The following VSTM5 variants were observed in gnomAD, a reference collection of about 807,000 sequenced individuals.
The protein encoded by VSTM5 is V-set and transmembrane domain containing 5, also known as V-set and transmembrane domain-containing protein 5.
Under a neutral mutation model 20.3 loss-of-function variants are expected in VSTM5, and 21 were observed. That is an observed-to-expected ratio of 1.03 (90% CI 0.73 to 1.49). VSTM5 has a LOEUF of 1.49. Among genes scored for constraint, VSTM5 ranks in the 40% most tolerant of loss-of-function variants. The pLI is 0.00. For missense variants in VSTM5, 219 were observed against 250.0 expected (o/e 0.88, Z 0.84); for synonymous variants, 100 against 102.5 (o/e 0.98, Z 0.14).
intron 1 of VSTM5, among the ~76,000 whole-genome samples, chr11:93,846,071 C>T (rs936982394): frequency 1.3e-5 from 2 of 152,236 alleles, no homozygotes; most frequent in African/African-American, 4.8e-5. Flanking sequence ...TGGTCTCAAA[C>T]TCCTGAGCTC....
chr11:93,826,549 C>A (rs1243162732), intron 1 of VSTM5, among the ~76,000 whole-genome samples: 1 of 151,936 alleles, frequency 6.6e-6, no homozygotes, highest in Non-Finnish European at 1.5e-5. Context: ...AGGCGCCCAC[C>A]ATAACACCTG....
At position 93,820,887 on chromosome 11, in the gene VSTM5, T is replaced by C; in HGVS notation, c.419-4A>G. 7 of 1,550,876 alleles carry C rather than the reference T, an allele frequency of 4.5e-6. No homozygotes were observed. Among genetic ancestry groups the C allele is most frequent in the Non-Finnish European group, 6.1e-6 (7 of 1,146,988 alleles). ...TGCAGGTCTTCATAGAGGATCTCTATGGAGTGAGGGTGAGGGGAGGGGGAA... is the reference window on the plus strand; with the variant it reads ...TGCAGGTCTTCATAGAGGATCTCTACGGAGTGAGGGTGAGGGGAGGGGGAA... On this transcript the variant is annotated splice_region_variant and splice_polypyrimidine_tract_variant and intron_variant, in intron 2 of 3. Transcript: ENST00000409977.
chr11:93,849,793 G>C (rs781148519), intron 1 of VSTM5, among the ~76,000 whole-genome samples: 12 of 152,236 alleles, frequency 7.9e-5, no homozygotes, highest in Non-Finnish European at 1.6e-4. Context: ...TGGGGATTCC[G>C]GGTCCGGCCA....
chr11:93,849,079 A>G (rs562171716), intron 1 of VSTM5, among the ~76,000 whole-genome samples: 2 of 151,886 alleles, frequency 1.3e-5, no homozygotes, highest in African/African-American at 4.9e-5. Context: ...TAAAGGTCAA[A>G]AATGTTAGAT....
intron 1 of VSTM5, 57 bp downstream of exon 1, chr11:93,850,355 C>T (rs1944448976): frequency 1.0e-5 from 15 of 1,457,408 alleles, no homozygotes; most frequent in Non-Finnish European, 1.3e-5. Context: ...GGGCCCCGCC[C>T]GTGCCCCCCT....
At position 93,820,339 on chromosome 11, in the gene VSTM5, G is replaced by A; in HGVS notation, c.*230C>T. The A allele has an allele frequency of 1.8e-6, 1 of 548,794 alleles. No homozygotes were observed. The highest frequency in any genetic ancestry group is 3.3e-6 in the Non-Finnish European group (1 of 306,752). The allele number at this position is 548,794 out of a possible 1,614,324, so 34.0% of individuals were successfully genotyped here. On this transcript the variant is annotated 3_prime_UTR_variant, in exon 4 of 4. Coordinates refer to ENST00000409977, the MANE Select transcript of VSTM5 (RefSeq NM_001144871.2). ...GATGCTGCAGCCAAGCGAAGCTCCT[G>A]GTTCAAAGCCTCAATCACTCTTCTC...
At chr11:93,830,420 G>A (rs1014455778) in intron 1 of VSTM5, among the ~76,000 whole-genome samples, 3 of 152,190 alleles carry the variant, frequency 2.0e-5, no homozygotes, top group Non-Finnish European at 4.4e-5. Context: ...AGTAAGAAGT[G>A]GGCATGTGTA....
intron 1 of VSTM5, among the ~76,000 whole-genome samples, chr11:93,835,612 A>C (rs964831978): frequency 6.6e-6 from 1 of 152,164 alleles, no homozygotes; most frequent in African/African-American, 2.4e-5. Context: ...CTATGCATGC[A>C]GCTCTGAGTC....
At position 93,818,535 on chromosome 11, in the gene VSTM5, G is replaced by GGC. The variant is rs1555036050; in HGVS notation, c.*2033_*2034insGC. On this transcript the variant is annotated 3_prime_UTR_variant, in exon 4 of 4. Transcript: ENST00000409977. The stretch of plus-strand genomic sequence containing the variant: ...GAATAAACTGTCATGAGATTTGGGC[G>GGC]GGGGGGCAATTTAATTGACATCTGC... 7.0e-6 allele frequency: 1 copy of GGC among 142,714 alleles called. No homozygotes were observed. Among genetic ancestry groups the GGC allele is most frequent in the African/African-American group, 2.5e-5 (1 of 39,470 alleles). 8.8% of individuals were successfully genotyped at this position (142,714 alleles called of 1,614,324 possible). A position where few individuals can be genotyped will look rare whatever the true frequency, so the allele number is the denominator to read the frequency against.
rs1476387284 is a variant in VSTM5, at chr11:93,834,456, G to A, written c.92-13133C>T. Among the ~76,000 whole-genome samples the A allele has an allele frequency of 2.6e-5, 4 of 152,018 alleles. No homozygotes were observed. In the East Asian group the frequency reaches 5.8e-4, roughly 22 times the overall value. On this transcript the variant is annotated intron_variant, in intron 1 of 3. Transcript: ENST00000409977. ...TCATCCTCTTTGCTGTGGTTTAAAT[G>A]TCTGTCCCTGCAGAACTCATGTTGA... is the stretch of plus-strand genomic sequence containing the variant.
intron 1 of VSTM5, among the ~76,000 whole-genome samples, chr11:93,832,127 T>C (rs1944288085): frequency 1.3e-5 from 2 of 152,282 alleles, no homozygotes; most frequent in African/African-American, 4.8e-5. Flanking sequence ...GTACAGTCAA[T>C]TGTAGCAGCA....
chr11:93,844,467 C>G (rs1389023842), intron 1 of VSTM5, among the ~76,000 whole-genome samples: 1 of 152,134 alleles, frequency 6.6e-6, no homozygotes, highest in Non-Finnish European at 1.5e-5. Context: ...ATTCCAGCAC[C>G]TTTCACCCAA....
At chr11:93,830,471 G>A (rs560960912) in intron 1 of VSTM5, among the ~76,000 whole-genome samples, 1 of 152,250 alleles carries the variant, frequency 6.6e-6, no homozygotes, top group African/African-American at 2.4e-5. Flanking sequence ...TCGTTATAGA[G>A]AGAATTGTTG....
rs995932616 is a variant in VSTM5 at position 93,824,205 on chromosome 11, G to T, written c.92-2882C>A. Among the ~76,000 whole-genome samples the T allele has an allele frequency of 2.0e-5, 3 of 152,106 alleles. No homozygotes were observed. In the East Asian group the frequency reaches 5.8e-4, roughly 29 times the overall value. On this transcript the variant is annotated intron_variant, in intron 1 of 3. Coordinates refer to ENST00000409977, the MANE Select transcript of VSTM5 (RefSeq NM_001144871.2). Reference sequence around the variant, plus strand: ...TTACAGACATGAGCCACCATGCCCGGCTATTACTTCTATTTTTAATTTTTT... The same window carrying T: ...TTACAGACATGAGCCACCATGCCCGTCTATTACTTCTATTTTTAATTTTTT...
rs567201398 is a variant in VSTM5, at chr11:93,843,965, A to C, written c.91+6447T>G. Among the ~76,000 whole-genome samples the C allele has an allele frequency of 3.0e-4, 45 of 152,162 alleles. 1 individual carries two copies. In the South Asian group the frequency reaches 8.5e-3, roughly 29 times the overall value. On this transcript the variant is annotated intron_variant, in intron 1 of 3. Coordinates refer to ENST00000409977, the MANE Select transcript of VSTM5 (RefSeq NM_001144871.2). ...CTCTTCAAGGCCCATCTTTAATGTC[A>C]TCTCCTCTGCCAGGCCCCACTAGGC...
intron 1 of VSTM5, among the ~76,000 whole-genome samples, chr11:93,825,924 AAG>A (rs905628167): frequency 1.7e-4 from 26 of 150,664 alleles, no homozygotes; most frequent in African/African-American, 6.1e-4. Flanking sequence ...GTACAAAACT[AAG>A]AGTTGATTTT....
At chr11:93,849,781 G>A (rs898666980) in intron 1 of VSTM5, among the ~76,000 whole-genome samples, 1 of 152,230 alleles carries the variant, frequency 6.6e-6, no homozygotes, top group African/African-American at 2.4e-5. Flanking sequence ...GGCTCACCAG[G>A]CTGGGGATTC....
intron 1 of VSTM5, among the ~76,000 whole-genome samples, chr11:93,836,159 T>C (rs575381810): frequency 5.9e-5 from 9 of 152,272 alleles, no homozygotes; most frequent in Non-Finnish European, 8.8e-5. Flanking sequence ...TTGAATCTGA[T>C]TTGTGTGCTC....
chr11:93,839,376 G>A (rs1944351795), intron 1 of VSTM5, among the ~76,000 whole-genome samples: 1 of 152,174 alleles, frequency 6.6e-6, no homozygotes, highest in African/African-American at 2.4e-5. Flanking sequence ...CAGGTCTAGG[G>A]AGAGGCCTGG....
Sources: gnomAD v4.1 joint callset for allele counts (sites outside exome capture counted in the v4.1 genomes callset) on GRCh38, gnomAD v4.1.1 for gene constraint, MANE v1.5 for transcripts, NCBI Gene and HGNC (gene_info 2026-07-23, HGNC 2026-07-21) for gene names.